The following HNRNPLL variants were observed in gnomAD, a reference collection of about 807,000 sequenced individuals.
HNRNPLL encodes the protein heterogeneous nuclear ribonucleoprotein L-like.
A neutral mutation model predicts 67.1 loss-of-function variants in HNRNPLL; 25 were observed. That is an observed-to-expected ratio of 0.37 (90% CI 0.27 to 0.52). The LOEUF (loss-of-function observed/expected upper bound fraction) is 0.52, where lower values mean the gene tolerates loss of function less well. Among genes scored for constraint, HNRNPLL ranks in the 20% least tolerant of loss-of-function variants. The pLI is 0.90. For missense variants in HNRNPLL, 542 were observed against 673.9 expected (o/e 0.80, Z 2.17); for synonymous variants, 267 against 241.7 (o/e 1.10, Z -0.97).
At chr2:38,565,974 T>C in intron 12 of HNRNPLL, 2 of 914,528 alleles carry the variant, frequency 2.2e-6, no homozygotes, top group Non-Finnish European at 1.3e-6. Flanking sequence ...CATTGTTTTT[T>C]TTTCTCTTTT....
intron 1 of HNRNPLL, 128 bp downstream of exon 1, chr2:38,602,310 T>C: frequency 1.2e-6 from 1 of 829,394 alleles, no homozygotes; most frequent in East Asian, 2.9e-5. Flanking sequence ...AAGAGAAGAG[T>C]GGGCGCTTCC....
chr2:38,591,436 A>G (rs1666953469), intron 2 of HNRNPLL, 94 bp downstream of exon 2: 2 of 759,162 alleles, frequency 2.6e-6, no homozygotes, highest in Non-Finnish European at 2.4e-6. Flanking sequence ...TATACAAACA[A>G]TATTTACTAT....
In HNRNPLL at chr2:38,568,228, G is replaced by A. The variant is rs1205353035; in HGVS notation, c.1544C>T (p.Ala515Val). 2.5e-6 allele frequency: 4 copies of A among 1,612,326 alleles called. No homozygotes were observed. Among genetic ancestry groups the A allele is most frequent in the Non-Finnish European group, 3.4e-6 (4 of 1,178,742 alleles). The change falls in exon 12 of 13, where the codon GCA (alanine) becomes GTA (valine). Residue 515 changes from alanine (A) to valine (V), a missense_variant. This residue lies in a region of HNRNPLL where 415 missense variants were observed against 575.2 expected (regional missense o/e 0.72). Transcript: ENST00000449105. ...CACTCTTATCTGATAGTGATTCAGT[G>A]CCGTAAGGGCTTCTACTGCATCAGT... ...CKTDAVEALTALNHYQIRVPN... is the reference protein window; with the variant it reads ...CKTDAVEALTVLNHYQIRVPN...
chr2:38,567,135 G>C (rs182670193), intron 12 of HNRNPLL, among the ~76,000 whole-genome samples: 166 of 152,208 alleles, frequency 1.1e-3, no homozygotes, highest in African/African-American at 3.8e-3. Context: ...ACGGAGTCTT[G>C]CTCTGTTGCC....
At chr2:38,579,442 T>G (rs995712645) in intron 6 of HNRNPLL, among the ~76,000 whole-genome samples, 2 of 151,674 alleles carry the variant, frequency 1.3e-5, no homozygotes, top group African/African-American at 4.8e-5. Flanking sequence ...ATTAAAAAAT[T>G]AATAATAATT....
chr2:38,580,336 G>C (rs1325873828), intron 6 of HNRNPLL, among the ~76,000 whole-genome samples: 6 of 152,172 alleles, frequency 3.9e-5, no homozygotes, highest in Non-Finnish European at 8.8e-5. Flanking sequence ...ATGGGGTCTA[G>C]CCAAAGCTGC....
At position 38,563,353 on chromosome 2, in the gene HNRNPLL, A is replaced by G. The variant is rs1257793270; in HGVS notation, c.*829T>C. The stretch of plus-strand genomic sequence containing the variant: ...GTAAATATCCAAAATTCTACATACA[A>G]TTTTAGGGGGTACACAGATTCTCTG... On this transcript the variant is annotated 3_prime_UTR_variant, in exon 13 of 13. Transcript: ENST00000449105. The G allele has an allele frequency of 6.6e-6, 1 of 152,104 alleles. No individual in the cohort carries two copies. The highest frequency in any genetic ancestry group is 1.5e-5 in the Non-Finnish European group (1 of 67,954). 9.4% of individuals were successfully genotyped at this position (152,104 alleles called of 1,614,324 possible). A position where few individuals can be genotyped will look rare whatever the true frequency, so the allele number is the denominator to read the frequency against.
In HNRNPLL at chr2:38,564,118, TAATGAAG is replaced by T; in HGVS notation, c.*57_*63del. ...AGATCAACCATTTTAGATTTTTTTT[TAATGAAG>T]TGTAGCTTTGAAATTGTAATAAAGG... is the stretch of plus-strand genomic sequence containing the variant. On this transcript the variant is annotated 3_prime_UTR_variant, in exon 13 of 13. Coordinates refer to ENST00000449105, the MANE Select transcript of HNRNPLL (RefSeq NM_138394.4). The T allele has an allele frequency of 1.0e-6, 1 of 980,020 alleles. No homozygotes were observed. Among genetic ancestry groups the T allele is most frequent in the African/African-American group, 1.6e-5 (1 of 61,836 alleles). 60.7% of individuals were successfully genotyped at this position (980,020 alleles called of 1,614,324 possible). A position where few individuals can be genotyped will look rare whatever the true frequency, so the allele number is the denominator to read the frequency against.
intron 8 of HNRNPLL, among the ~76,000 whole-genome samples, 155 bp downstream of exon 8, chr2:38,573,055 T>C (rs1324730912): frequency 6.6e-6 from 1 of 151,980 alleles, no homozygotes; most frequent in African/African-American, 2.4e-5. Context: ...AAAAACATTT[T>C]CCAGAGTTCC....
chr2:38,589,287 T>C (rs370724558), intron 2 of HNRNPLL, among the ~76,000 whole-genome samples: 178 of 152,328 alleles, frequency 1.2e-3, no homozygotes, highest in African/African-American at 4.1e-3. Context: ...GCTTACTACA[T>C]ACTGAACTTG....
intron 8 of HNRNPLL, 97 bp from the exon 9 acceptor site, chr2:38,570,022 T>A: frequency 1.3e-6 from 1 of 791,940 alleles, no homozygotes; most frequent in South Asian, 1.9e-5. Context: ...TAAAGTAAAA[T>A]ACGGAAGATC....
rs896428812 is a variant in HNRNPLL at position 38,562,157 on chromosome 2, AAG to A, written c.*2023_*2024del. 8 of 152,214 alleles carry A rather than the reference AAG, an allele frequency of 5.3e-5. No individual in the cohort carries two copies. Among genetic ancestry groups the A allele is most frequent in the Non-Finnish European group, 1.2e-4 (8 of 68,024 alleles). 9.4% of individuals were successfully genotyped at this position (152,214 alleles called of 1,614,324 possible). A position where few individuals can be genotyped will look rare whatever the true frequency, so the allele number is the denominator to read the frequency against. On this transcript the variant is annotated 3_prime_UTR_variant, in exon 13 of 13. Coordinates refer to ENST00000449105, the MANE Select transcript of HNRNPLL (RefSeq NM_138394.4). ...AGAAGAATGTTGCCAAGGCTAAGGAAAGAGAGAGTATTCACAAAGCAAACTTC... is the reference window on the plus strand; with the variant it reads ...AGAAGAATGTTGCCAAGGCTAAGGAAAGAGAGTATTCACAAAGCAAACTTC...
intron 12 of HNRNPLL, chr2:38,566,056 A>G: frequency 1.0e-6 from 1 of 988,046 alleles, no homozygotes; most frequent in Non-Finnish European, 1.2e-6. Flanking sequence ...TCCAGGATCA[A>G]AGTAAATTAC....
Position 38,588,060 on chromosome 2 carries a change from G to C in HNRNPLL, c.309-2179C>G, listed in dbSNP as rs142202571. Among the ~76,000 whole-genome samples, 73 of 152,074 alleles carry C rather than the reference G, an allele frequency of 4.8e-4. 4 individuals are homozygous for C. In the East Asian group the frequency reaches 0.014, roughly 29 times the overall value. On this transcript the variant is annotated intron_variant, in intron 2 of 12. Transcript: ENST00000449105. Reference sequence around the variant, plus strand: ...TTTGCCATGATTCTAAGTTTTCTGAGGCCACCCCAGAAGCAGAAGACTGTA... The same window carrying C: ...TTTGCCATGATTCTAAGTTTTCTGACGCCACCCCAGAAGCAGAAGACTGTA...
At chr2:38,599,871 G>A in intron 1 of HNRNPLL, 1 of 470,306 alleles carries the variant, frequency 2.1e-6, no homozygotes. Context: ...AACTAGAGTT[G>A]AAAAGAATGC....
chr2:38,602,300 AAGAG>A, intron 1 of HNRNPLL, 134 bp downstream of exon 1: 1 of 777,280 alleles, frequency 1.3e-6, no homozygotes, highest in Non-Finnish European at 2.0e-6. Context: ...ACGAGCCCCA[AAGAG>A]AAGAGTGGGC....
intron 3 of HNRNPLL, among the ~76,000 whole-genome samples, 158 bp downstream of exon 3, chr2:38,585,486 A>ATT (rs1488206836): frequency 6.6e-6 from 1 of 152,280 alleles, no homozygotes; most frequent in East Asian, 1.9e-4. Flanking sequence ...AGTGCTCAGC[A>ATT]TTTTTTCTTT....
intron 1 of HNRNPLL, among the ~76,000 whole-genome samples, chr2:38,596,421 G>A (rs1667195535): frequency 6.6e-6 from 1 of 152,020 alleles, no homozygotes; most frequent in Non-Finnish European, 1.5e-5. Flanking sequence ...ACCACACCTG[G>A]CTGATTTTTG....
chr2:38,564,489 G>A (rs888832870), intron 12 of HNRNPLL, among the ~76,000 whole-genome samples: 1 of 151,682 alleles, frequency 6.6e-6, no homozygotes, highest in Admixed American at 6.6e-5. Flanking sequence ...GTGTGGTGGT[G>A]CACGCCTGTA....
Sources: allele counts gnomAD v4.1 joint callset (sites outside exome capture counted in the v4.1 genomes callset), GRCh38; gene constraint gnomAD v4.1.1; regional missense constraint gnomAD v4.1.1; transcripts MANE v1.5; gene names NCBI Gene and HGNC (gene_info 2026-07-23, HGNC 2026-07-21).